Variants in MYLK4 observed in about 807,000 individuals in gnomAD.
MYLK4 encodes the protein caMLCK like.
Under a neutral mutation model 48.1 loss-of-function variants are expected in MYLK4, and 46 were observed. The ratio of observed to expected loss-of-function variants is 0.96; its 90% CI spans 0.75 to 1.22. The LOEUF is 1.22. Ranked by LOEUF, MYLK4 falls within the 50% of genes most tolerant of loss-of-function variation. MYLK4 has a pLI of 0.00. For missense variants in MYLK4, 451 were observed against 486.1 expected, an observed-to-expected ratio of 0.93 and a Z score of 0.68; for synonymous variants, 170 against 180.8, an observed-to-expected ratio of 0.94 and a Z score of 0.48.
At chr6:2,765,715 C>T in the MYLK4 span, 4 of 1,543,668 alleles carry the variant, frequency 2.6e-6, no homozygotes, top group African/African-American at 1.4e-5. Flanking sequence ...CCGCCGCGCA[C>T]ATCAACTCGC....
chr6:2,717,851 C>T (rs771923177), intron 2 of MYLK4, among the ~76,000 whole-genome samples: 11 of 152,122 alleles, frequency 7.2e-5, no homozygotes, highest in South Asian at 4.1e-4. Context: ...TCCAGGATGT[C>T]GGCTTCATAG....
intron 2 of MYLK4, among the ~76,000 whole-genome samples, chr6:2,740,819 T>C (rs558328561): frequency 2.0e-5 from 3 of 152,312 alleles, no homozygotes; most frequent in African/African-American, 7.2e-5. Flanking sequence ...TTGAAGGAAG[T>C]GGACTTTGTT....
chr6:2,711,453 C>CT (rs1762670568), intron 2 of MYLK4, among the ~76,000 whole-genome samples: 1 of 152,208 alleles, frequency 6.6e-6, no homozygotes, highest in African/African-American at 2.4e-5. Context: ...TCTAAATATT[C>CT]TTAGATTCCA....
chr6:2,692,746 T>C (rs772805991), intron 3 of MYLK4, 38 bp downstream of exon 3: 8 of 1,588,236 alleles, frequency 5.0e-6, no homozygotes, highest in East Asian at 2.2e-5. Context: ...AACGGAACTT[T>C]CTTCATCCAT....
intron 2 of MYLK4, among the ~76,000 whole-genome samples, chr6:2,711,144 C>A (rs1212578497): frequency 6.6e-6 from 1 of 152,226 alleles, no homozygotes. Context: ...ATGGCAAGAA[C>A]TGCTGCTCAG....
chr6:2,725,914 C>A (rs1455164837), intron 2 of MYLK4, among the ~76,000 whole-genome samples: 2 of 152,208 alleles, frequency 1.3e-5, no homozygotes, highest in South Asian at 2.1e-4. Context: ...GATCATCCAG[C>A]CACGAGCTCT....
intron 2 of MYLK4, among the ~76,000 whole-genome samples, chr6:2,731,827 G>T: frequency 6.6e-6 from 1 of 152,192 alleles, no homozygotes; most frequent in East Asian, 1.9e-4. Flanking sequence ...TATTATAAAA[G>T]GACCTGGAGA....
At chr6:2,687,720 A>G (rs140550772) in intron 4 of MYLK4, among the ~76,000 whole-genome samples, 1 of 152,332 alleles carries the variant, frequency 6.6e-6, no homozygotes, top group East Asian at 1.9e-4. Flanking sequence ...CATTCGGCAC[A>G]GGGCAAAGAA....
intron 2 of MYLK4, among the ~76,000 whole-genome samples, chr6:2,737,235 C>G (rs1190745081): frequency 6.6e-6 from 1 of 152,240 alleles, no homozygotes; most frequent in Non-Finnish European, 1.5e-5. Flanking sequence ...ATCGCTTGAA[C>G]CCGGGAGGCG....
intron 12 of MYLK4, among the ~76,000 whole-genome samples, chr6:2,670,013 T>A (rs554452148): frequency 6.6e-4 from 100 of 152,130 alleles, no homozygotes; most frequent in African/African-American, 2.3e-3. Flanking sequence ...TACAATAATA[T>A]GTACAATCAA....
At chr6:2,763,784 G>A in the MYLK4 span, among the ~76,000 whole-genome samples, 1 of 152,166 alleles carries the variant, frequency 6.6e-6, no homozygotes, top group South Asian at 2.1e-4. Flanking sequence ...AGGAGGCGCT[G>A]AGAGCGAGCG....
chr6:2,665,092 G>C lies in MYLK4; in HGVS notation c.*2833C>G, dbSNP rs946769621. 5 of 152,236 alleles carry C rather than the reference G, an allele frequency of 3.3e-5. No individual in the cohort carries two copies. Among genetic ancestry groups the C allele is most frequent in the African/African-American group, 1.2e-4 (5 of 41,458 alleles). The allele number at this position is 152,236 out of a possible 1,614,324, so 9.4% of individuals were successfully genotyped here. On this transcript the variant is annotated 3_prime_UTR_variant, in exon 13 of 13. Coordinates refer to ENST00000274643, the MANE Select transcript of MYLK4 (RefSeq NM_001012418.5). ...AGCAAAGCCATACCATCCATTAAGA[G>C]GGTGGAGGAGAAATACAGCCTCCCA...
At chr6:2,729,971 C>G (rs1222652848) in intron 2 of MYLK4, among the ~76,000 whole-genome samples, 1 of 152,232 alleles carries the variant, frequency 6.6e-6, no homozygotes, top group African/African-American at 2.4e-5. Flanking sequence ...TAAAGCACAT[C>G]GCCTTACTGA....
intron 2 of MYLK4, among the ~76,000 whole-genome samples, chr6:2,720,189 G>A (rs1763019996): frequency 1.3e-5 from 2 of 152,044 alleles, no homozygotes; most frequent in African/African-American, 4.8e-5. Context: ...TAGATCACGA[G>A]GTCAGGAGAT....
intron 2 of MYLK4, among the ~76,000 whole-genome samples, chr6:2,710,278 T>C (rs1016726439): frequency 6.6e-6 from 1 of 152,200 alleles, no homozygotes; most frequent in African/African-American, 2.4e-5. Context: ...ATGTGGTTCC[T>C]TAGGAGATTG....
chr6:2,681,584 A>G (rs1274392713), intron 7 of MYLK4, among the ~76,000 whole-genome samples: 1 of 152,238 alleles, frequency 6.6e-6, no homozygotes, highest in South Asian at 2.1e-4. Flanking sequence ...AAATTAAACA[A>G]TGTTCATTGG....
At position 2,679,333 on chromosome 6, in the gene MYLK4, A is replaced by T. The variant is rs771099192; in HGVS notation, c.834T>A (p.Asp278Glu). The T allele has an allele frequency of 6.2e-7, 1 of 1,614,078 alleles. No homozygotes were observed. Among genetic ancestry groups the T allele is most frequent in the Admixed American group, 1.7e-5 (1 of 60,012 alleles). The change falls in exon 9 of 13, where the codon GAT becomes GAA. Residue 278 changes from aspartate (D) to glutamate (E), a missense_variant. By Grantham distance (45) the Asp-to-Glu change is conservative (BLOSUM62 2). Coordinates refer to ENST00000274643, the MANE Select transcript of MYLK4 (RefSeq NM_001012418.5). ...EFLAPEVVNY[D>E]FVSFPTDMWS... ...ACATGTCAGTGGGAAATGAAACAAA[A>T]TCATAGTTCACAACTTCAGGGGCGA... is the stretch of plus-strand genomic sequence containing the variant.
In MYLK4 at chr6:2,712,204, G is replaced by A. The variant is rs193175890; in HGVS notation, c.160-19345C>T. Among the ~76,000 whole-genome samples, 305 of 152,310 alleles carry A rather than the reference G, an allele frequency of 2.0e-3. 1 individual carries two copies. Among genetic ancestry groups the A allele is most frequent in the African/African-American group, 6.9e-3 (288 of 41,556 alleles). On this transcript the variant is annotated intron_variant, in intron 2 of 12. Transcript: ENST00000274643. ...CATGTTCCGGGGCTCATGTTCAGCA[G>A]AGGCCACCTGAGATGATAAATGACC...
intron 8 of MYLK4, 133 bp from the exon 9 acceptor site, chr6:2,679,541 TCAAA>T: frequency 8.5e-7 from 1 of 1,170,888 alleles, no homozygotes; most frequent in Non-Finnish European, 1.3e-6. Flanking sequence ...TTGAAGGAAA[TCAAA>T]CAATCAAGCA....
Sources: gnomAD v4.1 joint callset for allele counts (sites outside exome capture counted in the v4.1 genomes callset) on GRCh38, gnomAD v4.1.1 for gene constraint, MANE v1.5 for transcripts, NCBI Gene and HGNC (gene_info 2026-07-23, HGNC 2026-07-21) for gene names.